Variants in TRAM1 observed in about 807,000 individuals in gnomAD.
TRAM1 encodes translocating chain-associated membrane protein 1.
TRAM1 carries 17 observed loss-of-function variants against 48.7 expected under a neutral mutation model. The ratio of observed to expected loss-of-function variants is 0.35; its 90% CI spans 0.24 to 0.52. TRAM1 has a LOEUF of 0.52. Ranked by LOEUF, TRAM1 falls within the 20% of genes least tolerant of loss-of-function variation. TRAM1 has a pLI of 0.94. For missense variants in TRAM1, 351 were observed against 441.5 expected, an observed-to-expected ratio of 0.79 and a Z score of 1.84; for synonymous variants, 182 against 154.0, an observed-to-expected ratio of 1.18 and a Z score of -1.34.
At chr8:70,577,345 C>T (rs1221826840) in intron 10 of TRAM1, among the ~76,000 whole-genome samples, 1 of 152,196 alleles carries the variant, frequency 6.6e-6, no homozygotes, top group African/African-American at 2.4e-5. Flanking sequence ...CAGGGACAGC[C>T]TGAAACCTGG....
chr8:70,593,250 C>CA (rs1203511808), intron 6 of TRAM1, among the ~76,000 whole-genome samples: 2 of 152,002 alleles, frequency 1.3e-5, no homozygotes, highest in Non-Finnish European at 2.9e-5. Flanking sequence ...AGAACACAGA[C>CA]ACGAAACAGT....
At chr8:70,594,639 TA>T (rs1554534628) in intron 5 of TRAM1, 49 bp from the exon 6 acceptor site, 17 of 1,403,392 alleles carry the variant, frequency 1.2e-5, no homozygotes, top group East Asian at 7.2e-5. Context: ...ATAATTTTTT[TA>T]AAAAAAAGTA....
At chr8:70,606,841 AAC>A in intron 1 of TRAM1, 1 of 961,264 alleles carries the variant, frequency 1.0e-6, no homozygotes, top group Non-Finnish European at 1.2e-6. Flanking sequence ...TAAAAAAAAA[AAC>A]AAATATGCTC....
intron 6 of TRAM1, among the ~76,000 whole-genome samples, chr8:70,590,141 TAAA>T (rs34326193): frequency 2.1e-5 from 3 of 139,874 alleles, no homozygotes; most frequent in Admixed American, 7.2e-5. Flanking sequence ...TAAGGCAATG[TAAA>T]AAAAAAAAAA....
At chr8:70,607,836 C>T in intron 1 of TRAM1, 1 of 360,478 alleles carries the variant, frequency 2.8e-6, no homozygotes, top group Non-Finnish European at 4.8e-6. Flanking sequence ...CGCGGCGGTC[C>T]CCACCCCCTG....
chr8:70,593,462 A>G (rs1817411777), intron 6 of TRAM1, among the ~76,000 whole-genome samples: 1 of 152,038 alleles, frequency 6.6e-6, no homozygotes, highest in African/African-American at 2.4e-5. Context: ...ACAGACAGAA[A>G]AGATTCTGAC....
At position 70,608,251 on chromosome 8, in the gene TRAM1, C is replaced by T. The variant is rs746851807; in HGVS notation, c.-52G>A. ...GTGCTCCGCCCCGGTTCTGCTCTTC[C>T]CAGCTGCTCACCGACTCGCCGCCGC... On this transcript the variant is annotated 5_prime_UTR_variant, in exon 1 of 11. Transcript: ENST00000262213. The T allele has an allele frequency of 5.3e-6, 8 of 1,519,146 alleles. No individual in the cohort carries two copies. The South Asian group carries it at 9.7e-5, about 18-fold the overall frequency. The allele number at this position is 1,519,146 out of a possible 1,614,324, so 94.1% of individuals were successfully genotyped here.
chr8:70,605,370 T>A lies in TRAM1; in HGVS notation c.123+2707A>T, dbSNP rs117085832. 5.8e-3 allele frequency among the ~76,000 whole-genome samples: 880 copies of A among 152,318 alleles called. 3 individuals carry two copies. Among genetic ancestry groups the A allele is most frequent in the Non-Finnish European group, 9.4e-3 (642 of 68,026 alleles). On this transcript the variant is annotated intron_variant, in intron 1 of 10. Transcript: ENST00000262213. ...AAGCTGCAGAGCCCTAACTTGAACA[T>A]GAATCCCTTCAGCTCCAGAATCCAT...
chr8:70,584,523 A>T (rs552147744), intron 8 of TRAM1, among the ~76,000 whole-genome samples: 1 of 152,306 alleles, frequency 6.6e-6, no homozygotes, highest in East Asian at 1.9e-4. Context: ...TGATTGTATA[A>T]CTAGAAAACC....
chr8:70,605,136 C>T (rs1350262928), intron 1 of TRAM1, among the ~76,000 whole-genome samples: 2 of 152,108 alleles, frequency 1.3e-5, no homozygotes, highest in Non-Finnish European at 2.9e-5. Flanking sequence ...GATTCCAGGC[C>T]CTTCTCTCAC....
chr8:70,578,838 A>C (rs1309751026), intron 10 of TRAM1, among the ~76,000 whole-genome samples: 1 of 152,226 alleles, frequency 6.6e-6, no homozygotes, highest in Non-Finnish European at 1.5e-5. Flanking sequence ...AGATGCAAAA[A>C]TCCTAATGAA....
chr8:70,574,865 C>A lies in TRAM1; in HGVS notation c.*67G>T. The A allele has an allele frequency of 9.0e-7, 1 of 1,112,480 alleles. No individual in the cohort carries two copies. 68.9% of individuals were successfully genotyped at this position (1,112,480 alleles called of 1,614,324 possible). On this transcript the variant is annotated 3_prime_UTR_variant, in exon 11 of 11. Transcript: ENST00000262213. ...TGTATTTTCAAGAACAGAAAAATCT[C>A]TAATGCTGAAAGATATAGTAGAAAG...
intron 1 of TRAM1, 144 bp from the exon 2 acceptor site, chr8:70,600,226 G>T: frequency 1.6e-6 from 1 of 623,658 alleles, no homozygotes; most frequent in Non-Finnish European, 2.8e-6. Flanking sequence ...AGACACAATG[G>T]AAATTACTGA....
At chr8:70,603,678 T>C (rs1254488977) in intron 1 of TRAM1, among the ~76,000 whole-genome samples, 1 of 152,136 alleles carries the variant, frequency 6.6e-6, no homozygotes, top group Non-Finnish European at 1.5e-5. Context: ...GATCACGCCA[T>C]TGCACTCTAG....
At position 70,596,224 on chromosome 8, in the gene TRAM1, T is replaced by C. The variant is rs764674765; in HGVS notation, c.485+39A>G. 52 of 1,495,596 alleles carry C rather than the reference T, an allele frequency of 3.5e-5. 1 individual carries two copies. Among genetic ancestry groups the C allele is most frequent in the Middle Eastern group, 1.7e-4 (1 of 5,732 alleles). The allele number at this position is 1,495,596 out of a possible 1,614,324, so 92.6% of individuals were successfully genotyped here. On this transcript the variant is annotated intron_variant, in intron 5 of 10. Transcript: ENST00000262213. Reference sequence around the variant, plus strand: ...ATTCTGATTAATAGTGACATGACCATGGTCCTTAACAAAGAAAGGGCTGCT... The same window carrying C: ...ATTCTGATTAATAGTGACATGACCACGGTCCTTAACAAAGAAAGGGCTGCT...
intron 1 of TRAM1, among the ~76,000 whole-genome samples, chr8:70,603,484 A>T (rs1297667923): frequency 6.6e-6 from 1 of 152,186 alleles, no homozygotes; most frequent in African/African-American, 2.4e-5. Flanking sequence ...TGGGAGGCCA[A>T]GGTGGCTGGC....
chr8:70,586,038 G>A (rs1349600972), intron 8 of TRAM1, among the ~76,000 whole-genome samples: 2 of 150,916 alleles, frequency 1.3e-5, no homozygotes, highest in African/African-American at 4.9e-5. Flanking sequence ...GTCCAACAAT[G>A]ATAGACTGGA....
In TRAM1 at chr8:70,587,377, GA is replaced by G. The variant is rs143933595; in HGVS notation, c.571-202del. On this transcript the variant is annotated intron_variant, in intron 6 of 10. Transcript: ENST00000262213. Reference sequence around the variant, plus strand: ...TCATTTCTGTTCTTTAAGAGTAAGTGAAAAATGTAGAAGTAGGAGATCTGAA... The same window carrying G: ...TCATTTCTGTTCTTTAAGAGTAAGTGAAAATGTAGAAGTAGGAGATCTGAA... 1.5e-3 allele frequency: 766 copies of G among 518,354 alleles called. 9 individuals carry two copies. The highest frequency in any genetic ancestry group is 0.013 in the African/African-American group (705 of 52,418). 32.1% of individuals were successfully genotyped at this position (518,354 alleles called of 1,614,324 possible).
At chr8:70,595,042 T>TG (rs1009638017) in intron 5 of TRAM1, among the ~76,000 whole-genome samples, 3 of 151,398 alleles carry the variant, frequency 2.0e-5, no homozygotes, top group Non-Finnish European at 4.4e-5. Flanking sequence ...TCCTCTGTTT[T>TG]TTTTTTTTTT....
Sources: allele counts gnomAD v4.1 joint callset (sites outside exome capture counted in the v4.1 genomes callset), GRCh38; gene constraint gnomAD v4.1.1; transcripts MANE v1.5; gene names NCBI Gene and HGNC (gene_info 2026-07-23, HGNC 2026-07-21).